The following SKP2 variants were observed in gnomAD, a reference collection of about 807,000 sequenced individuals.
SKP2 encodes the protein S-phase kinase associated protein 2.
In SKP2, 16 loss-of-function variants were observed where a neutral mutation model predicts 51.8. The ratio of observed to expected loss-of-function variants is 0.31; its 90% confidence interval spans 0.21 to 0.47. The LOEUF is 0.47. Ranked by LOEUF, SKP2 falls within the 20% of genes least tolerant of loss-of-function variation. The pLI is 1.00. For missense variants in SKP2, 377 were observed against 505.3 expected, an observed-to-expected ratio of 0.75 and a Z score of 2.43; for synonymous variants, 176 against 198.6, an observed-to-expected ratio of 0.89 and a Z score of 0.96.
chr5:36,163,648 T>A lies in SKP2; in HGVS notation c.284T>A (p.Val95Asp). ...PKLNRENFPG[V>D]SWDSLPDELL... ...AACACTTGTTTTCCCTCCAAAGGTGTTTCATGGGACTCCCTTCCGGATGAG... is the reference window on the plus strand; with the variant it reads ...AACACTTGTTTTCCCTCCAAAGGTGATTCATGGGACTCCCTTCCGGATGAG... Residue 95 changes from valine to aspartate, a missense_variant, in exon 3 of 10, where the codon GTT (valine) becomes GAT (aspartate). Transcript: ENST00000274255. 1 of 1,609,260 alleles carries A rather than the reference T, an allele frequency of 6.2e-7. No individual in the cohort carries two copies. The highest frequency in any genetic ancestry group is 8.5e-7 in the Non-Finnish European group (1 of 1,175,570).
In SKP2 at chr5:36,174,899, G is replaced by A. The variant is rs572984434; in HGVS notation, c.902-2066G>A. On this transcript the variant is annotated intron_variant, in intron 7 of 9. Transcript: ENST00000274255. ...ACCAATGTGTGAGAGGGAGCAGGGA[G>A]AACAGTGAGAGGAGAAAGATGGCCA... is the stretch of plus-strand genomic sequence containing the variant. Among the ~76,000 whole-genome samples, 3 of 152,212 alleles carry A rather than the reference G, an allele frequency of 2.0e-5. No homozygotes were observed. The South Asian group carries it at 6.2e-4, about 32-fold the overall frequency.
intron 7 of SKP2, among the ~76,000 whole-genome samples, chr5:36,174,836 G>A (rs754925432): frequency 1.3e-5 from 2 of 152,120 alleles, no homozygotes; most frequent in East Asian, 3.8e-4. Context: ...GAACATTCAA[G>A]AACAAAGGAC....
At chr5:36,163,475 C>T (rs1745189211) in intron 2 of SKP2, among the ~76,000 whole-genome samples, 170 bp from the exon 3 acceptor site, 2 of 152,094 alleles carry the variant, frequency 1.3e-5, no homozygotes, top group Non-Finnish European at 2.9e-5. Context: ...TTTTTCTGTT[C>T]AACAGAAATG....
intron 5 of SKP2, 102 bp downstream of exon 5, chr5:36,168,549 T>A: frequency 9.0e-7 from 1 of 1,112,754 alleles, no homozygotes; most frequent in Non-Finnish European, 1.3e-6. Context: ...TCCAGGTGGA[T>A]ACAGAAAATA....
intron 2 of SKP2, among the ~76,000 whole-genome samples, chr5:36,158,460 G>T (rs1213156705): frequency 6.6e-6 from 1 of 152,198 alleles, no homozygotes; most frequent in Non-Finnish European, 1.5e-5. Flanking sequence ...GGGCCCCTAG[G>T]ATTAGTGTCA....
chr5:36,181,798 G>C lies in SKP2; in HGVS notation c.1062-20G>C, dbSNP rs374529752. The C allele has an allele frequency of 1.2e-6, 2 of 1,613,308 alleles. No homozygotes were observed. The highest frequency in any genetic ancestry group is 2.7e-5 in the African/African-American group (2 of 74,968). ...TTCCATAGATACTGCTATTCTGAAA[G>C]TCTTTTTCTTCCTTTCCAGTGAACT... On this transcript the variant is annotated intron_variant, in intron 9 of 9. Transcript: ENST00000274255.
At chr5:36,193,216 T>G (rs552961860) in intron 7 of SKP2, 2 of 152,190 alleles carry the variant, frequency 1.3e-5, no homozygotes, top group Non-Finnish European at 2.9e-5. Context: ...TGGTGGCTCA[T>G]GCCTGTAATC....
At chr5:36,186,182 A>G (rs1389447351), downstream of SKP2, among the ~76,000 whole-genome samples, 7 of 152,186 alleles carry the variant, frequency 4.6e-5, no homozygotes, top group South Asian at 1.0e-3. Context: ...TAAATATACA[A>G]TCATGTCATC....
At chr5:36,187,882 A>G (rs1745971096), downstream of SKP2, among the ~76,000 whole-genome samples, 2 of 150,526 alleles carry the variant, frequency 1.3e-5, no homozygotes, top group Admixed American at 6.7e-5. Context: ...GTCTCTTTGT[A>G]GGTCTCTAAG....
chr5:36,187,195 T>C (rs1745963868), downstream of SKP2, among the ~76,000 whole-genome samples: 1 of 152,194 alleles, frequency 6.6e-6, no homozygotes, highest in Admixed American at 6.5e-5. Flanking sequence ...AGCTCCTGGA[T>C]TCATTGATTT....
downstream of SKP2, among the ~76,000 whole-genome samples, chr5:36,188,645 C>T (rs1054487759): frequency 2.0e-5 from 3 of 152,198 alleles, no homozygotes; most frequent in African/African-American, 7.2e-5. Flanking sequence ...CGACCTTTCT[C>T]TCTGGCTGCC....
chr5:36,171,846 G>T, intron 7 of SKP2, 113 bp downstream of exon 7: 1 of 1,014,624 alleles, frequency 9.9e-7, no homozygotes, highest in Non-Finnish European at 1.4e-6. Context: ...TCCAGTGCAT[G>T]TGTTAGTCCC....
At position 36,156,621 on chromosome 5, in the gene SKP2, A is replaced by T. The variant is rs115068678; in HGVS notation, c.280+3579A>T. On this transcript the variant is annotated intron_variant, in intron 2 of 9. Coordinates refer to ENST00000274255, the MANE Select transcript of SKP2 (RefSeq NM_005983.4). The stretch of plus-strand genomic sequence containing the variant: ...GAGGTCAGTAACAGGCGGAAAGGGG[A>T]CAATTGCATTTTATTTATGGTCATG... Among the ~76,000 whole-genome samples the T allele has an allele frequency of 7.3e-3, 1,116 of 152,230 alleles. 17 individuals carry two copies. Among genetic ancestry groups the T allele is most frequent in the African/African-American group, 0.025 (1,036 of 41,502 alleles).
In SKP2 at chr5:36,183,943, C is replaced by T. The variant is rs758281394; in HGVS notation, c.*1912C>T. On this transcript the variant is annotated 3_prime_UTR_variant, in exon 10 of 10. Coordinates refer to ENST00000274255, the MANE Select transcript of SKP2 (RefSeq NM_005983.4). ...CAAGTCCAGCCATAAGCTATTTTGC[C>T]AACATGTCAGAGTAATCTGTATTTT... 6.2e-7 allele frequency: 1 copy of T among 1,611,030 alleles called. No homozygotes were observed. Among genetic ancestry groups the T allele is most frequent in the East Asian group, 2.2e-5 (1 of 44,776 alleles).
intron 2 of SKP2, among the ~76,000 whole-genome samples, chr5:36,161,290 G>C (rs1022960380): frequency 3.5e-5 from 2 of 56,866 alleles, no homozygotes; most frequent in Non-Finnish European, 1.0e-4. Flanking sequence ...TACAAAAATT[G>C]TTAAAAAAAA....
At chr5:36,166,454 G>A (rs1176555656) in intron 3 of SKP2, 65 bp from the exon 4 acceptor site, 2 of 1,435,198 alleles carry the variant, frequency 1.4e-6, no homozygotes, top group Non-Finnish European at 2.0e-6. Flanking sequence ...TGTTAGTAAT[G>A]TTGTTGAGGG....
chr5:36,187,744 A>G (rs1013722704), downstream of SKP2, among the ~76,000 whole-genome samples: 1 of 152,180 alleles, frequency 6.6e-6, no homozygotes, highest in South Asian at 2.1e-4. Context: ...GTAGATGTCT[A>G]TTAGGTCCAG....
intron 4 of SKP2, among the ~76,000 whole-genome samples, chr5:36,167,396 T>C (rs1052302953): frequency 8.5e-5 from 13 of 152,188 alleles, no homozygotes; most frequent in Admixed American, 7.9e-4. Flanking sequence ...CTCTGTTCAC[T>C]CCAGGGTCGG....
rs1745843169 is a variant in SKP2, at chr5:36,182,503, ATAG to A, written c.*476_*478del. ...AGCTGAACAAAAAGAGAATCATAGG[ATAG>A]TAGCGTCTGAGGCCATCTTTTCTAG... On this transcript the variant is annotated 3_prime_UTR_variant, in exon 10 of 10. Transcript: ENST00000274255. 1.0e-6 allele frequency: 1 copy of A among 986,582 alleles called. No individual in the cohort carries two copies. The highest frequency in any genetic ancestry group is 4.7e-5 in the South Asian group (1 of 21,366). The allele number at this position is 986,582 out of a possible 1,614,324, so 61.1% of individuals were successfully genotyped here.
Sources: allele counts gnomAD v4.1 joint callset (sites outside exome capture counted in the v4.1 genomes callset), GRCh38; gene constraint gnomAD v4.1.1; transcripts MANE v1.5; gene names NCBI Gene and HGNC (gene_info 2026-07-23, HGNC 2026-07-21).